The following MAS1 variants were observed in gnomAD, a reference collection of about 807,000 sequenced individuals.
The protein encoded by MAS1 is MAS1 proto-oncogene, G protein-coupled receptor, also known as proto-oncogene Mas.
For synonymous variants in MAS1, 163 were observed against 164.2 expected, an observed-to-expected ratio of 0.99 and a Z score of 0.05; for missense variants, 387 against 409.7, an observed-to-expected ratio of 0.94 and a Z score of 0.48.
chr6:159,917,122 C>T lies in MAS1; in HGVS notation c.*9189C>T, dbSNP rs552012611. On this transcript the variant is annotated 3_prime_UTR_variant, in exon 3 of 3. Transcript: ENST00000674077. ...AATGGTCTCCAGTGTGGCTGCAGCA[C>T]GTCCATTTGACAATCCTGACCTCGG... is the stretch of plus-strand genomic sequence containing the variant. 3.8e-4 allele frequency among the ~76,000 whole-genome samples: 58 copies of T among 152,242 alleles called. No individual in the cohort carries two copies. The highest frequency in any genetic ancestry group is 5.3e-4 in the African/African-American group (22 of 41,544).
At chr6:159,889,165 T>C (rs551708932), upstream of MAS1, among the ~76,000 whole-genome samples, 21 of 152,344 alleles carry the variant, frequency 1.4e-4, no homozygotes, top group African/African-American at 4.3e-4. Flanking sequence ...TCCTGGCGGC[T>C]TGCTCTTCAT....
At position 159,912,387 on chromosome 6, in the gene MAS1, A is replaced by G. The variant is rs1782974690; in HGVS notation, c.*4454A>G. On this transcript the variant is annotated 3_prime_UTR_variant, in exon 3 of 3. Coordinates refer to ENST00000674077, the MANE Select transcript of MAS1 (RefSeq NM_002377.4). ...TGGAAAGGAAAACACATCAAGCCAT[A>G]CATACTTTTTCCTGTGCTTTTTCTC... is the stretch of plus-strand genomic sequence containing the variant. 6.6e-6 allele frequency: 1 copy of G among 152,230 alleles called. No individual in the cohort carries two copies. The highest frequency in any genetic ancestry group is 1.5e-5 in the Non-Finnish European group (1 of 68,046). The allele number at this position is 152,230 out of a possible 1,614,324, so 9.4% of individuals were successfully genotyped here.
upstream of MAS1, among the ~76,000 whole-genome samples, chr6:159,889,010 C>T (rs1782666229): frequency 1.3e-5 from 2 of 152,130 alleles, no homozygotes; most frequent in African/African-American, 4.8e-5. Flanking sequence ...GTTAGTGGTG[C>T]CAATTAGTCA....
chr6:159,907,308 C>G lies in MAS1; in HGVS notation c.353C>G (p.Thr118Arg). The change falls in exon 3 of 3, where the codon ACG becomes AGG. Residue 118 changes from threonine to arginine, a missense_variant. By Grantham distance (71) the Thr-to-Arg change is moderately conservative. Coordinates refer to ENST00000674077, the MANE Select transcript of MAS1 (RefSeq NM_002377.4). ...GTGACTTTTCTGTTTGGCTACAACA[C>G]GGGCCTCTATCTGCTGACGGCCATT... ...LSVTFLFGYN[T>R]GLYLLTAISV... 1 of 1,614,156 alleles carries G rather than the reference C, an allele frequency of 6.2e-7. No homozygotes were observed. The highest frequency in any genetic ancestry group is 8.5e-7 in the Non-Finnish European group (1 of 1,180,026).
chr6:159,907,514 G>A lies in MAS1; in HGVS notation c.559G>A (p.Val187Ile). Residue 187 changes from valine to isoleucine, a missense_variant, in exon 3 of 3, where the codon GTC becomes ATC. Transcript: ENST00000674077. ...TCACTCTCGGAATGACTGCCGAGCA[G>A]TCATCATCTTTATAGCCATCCTGAG... ...ESHSRNDCRA[V>I]IIFIAILSFL... The A allele has an allele frequency of 6.2e-7, 1 of 1,614,046 alleles. No individual in the cohort carries two copies. The highest frequency in any genetic ancestry group is 1.7e-5 in the Admixed American group (1 of 60,010).
In MAS1 at chr6:159,907,030, C is replaced by T. The variant is rs375747187; in HGVS notation, c.75C>T (p.Val25=). ...TCTCAACTGGCAGGAACGCCTCAGT[C>T]GGGAATGCACATCGGCAAATCCCCA... ...TNISTGRNAS[V]GNAHRQIPIV... is the part of the protein sequence containing the mutation. Residue 25 remains valine, a synonymous_variant, in exon 3 of 3, where the codon GTC becomes GTT. Transcript: ENST00000674077. 85 of 1,613,752 alleles carry T rather than the reference C, an allele frequency of 5.3e-5. No homozygotes were observed. The highest frequency in any genetic ancestry group is 6.4e-5 in the Non-Finnish European group (75 of 1,179,822).
intron 1 of MAS1, among the ~76,000 whole-genome samples, chr6:159,891,865 G>T (rs1274235339): frequency 1.3e-5 from 2 of 152,176 alleles, no homozygotes; most frequent in African/African-American, 4.8e-5. Context: ...CTGGCCTCTA[G>T]CAGAGTGCCA....
chr6:159,904,957 A>C (rs220725), intron 2 of MAS1, among the ~76,000 whole-genome samples: 1 of 152,180 alleles, frequency 6.6e-6, no homozygotes, highest in Admixed American at 6.5e-5. Flanking sequence ...TATTTCCTTC[A>C]TGTCTTTGCC....
rs1782960324 is a variant in MAS1, at chr6:159,911,228, G to A, written c.*3295G>A. ...GAACCCTTTGCTGGGCTCCAGTCCT[G>A]TGTGTCCAATCATCTAATGGACTTT... On this transcript the variant is annotated 3_prime_UTR_variant, in exon 3 of 3. Transcript: ENST00000674077. 6.6e-6 allele frequency: 1 copy of A among 151,762 alleles called. No homozygotes were observed. The allele number at this position is 151,762 out of a possible 1,614,324, so 9.4% of individuals were successfully genotyped here.
At chr6:159,894,095 G>T (rs780379915) in intron 1 of MAS1, among the ~76,000 whole-genome samples, 5 of 152,156 alleles carry the variant, frequency 3.3e-5, no homozygotes, top group Non-Finnish European at 5.9e-5. Context: ...GGGGAGATGT[G>T]TGAGCTAAAG....
chr6:159,892,195 G>C (rs1004386459), intron 1 of MAS1, among the ~76,000 whole-genome samples: 4 of 152,164 alleles, frequency 2.6e-5, no homozygotes, highest in African/African-American at 9.7e-5. Context: ...TACCAGGACA[G>C]ATGGTCCTGC....
At chr6:159,898,440 A>G (rs1289073316) in intron 1 of MAS1, among the ~76,000 whole-genome samples, 1 of 151,500 alleles carries the variant, frequency 6.6e-6, no homozygotes, top group Non-Finnish European at 1.5e-5. Flanking sequence ...TCCAACAACC[A>G]CTCACTGTCC....
rs765383320 is a variant in MAS1 at position 159,907,461 on chromosome 6, T to A, written c.506T>A (p.Val169Asp). Residue 169 changes from valine (V) to aspartate (D), a missense_variant, in exon 3 of 3, where the codon GTC becomes GAC. Coordinates refer to ENST00000674077, the MANE Select transcript of MAS1 (RefSeq NM_002377.4). Reference sequence around the variant, plus strand: ...TGCTTGGTGACCACCATGGAGTATGTCATGTGCATCGACAGAGAAGAAGAG... The same window carrying A: ...TGCTTGGTGACCACCATGGAGTATGACATGTGCATCGACAGAGAAGAAGAG... ...LSCLVTTMEYVMCIDREEESH... is the reference protein window; with the variant it reads ...LSCLVTTMEYDMCIDREEESH... 1.1e-5 allele frequency: 17 copies of A among 1,613,918 alleles called. No individual in the cohort carries two copies. Among genetic ancestry groups the A allele is most frequent in the Admixed American group, 1.7e-5 (1 of 60,004 alleles).
upstream of MAS1, among the ~76,000 whole-genome samples, chr6:159,888,849 A>G (rs1316523072): frequency 2.0e-5 from 3 of 152,210 alleles, no homozygotes; most frequent in Non-Finnish European, 2.9e-5. Flanking sequence ...GATTACTCAC[A>G]AAGACAAACC....
In MAS1 at chr6:159,915,700, A is replaced by T. The variant is rs1783014817; in HGVS notation, c.*7767A>T. 1 of 152,272 alleles carries T rather than the reference A, an allele frequency of 6.6e-6. No homozygotes were observed. The highest frequency in any genetic ancestry group is 2.4e-5 in the African/African-American group (1 of 41,458). 9.4% of individuals were successfully genotyped at this position (152,272 alleles called of 1,614,324 possible). A position where few individuals can be genotyped will look rare whatever the true frequency, so the allele number is the denominator to read the frequency against. Reference sequence around the variant, plus strand: ...TTAGTTGGAGTTCCACCCAAAGCAGATCCTGAGACAAGGATTTAGTGCAAG... The same window carrying T: ...TTAGTTGGAGTTCCACCCAAAGCAGTTCCTGAGACAAGGATTTAGTGCAAG... On this transcript the variant is annotated 3_prime_UTR_variant, in exon 3 of 3. Coordinates refer to ENST00000674077, the MANE Select transcript of MAS1 (RefSeq NM_002377.4).
chr6:159,915,786 AG>A lies in MAS1; in HGVS notation c.*7855del. ...GAAAGTGGGGAATTTAGACAGGGAAAGGAGGAAGTTAGCAAAGGGTGAGTGA... is the reference window on the plus strand; with the variant it reads ...GAAAGTGGGGAATTTAGACAGGGAAAGAGGAAGTTAGCAAAGGGTGAGTGA... On this transcript the variant is annotated 3_prime_UTR_variant, in exon 3 of 3. Transcript: ENST00000674077. The A allele has an allele frequency of 6.6e-6, 1 of 152,598 alleles. No individual in the cohort carries two copies. The highest frequency in any genetic ancestry group is 1.5e-5 in the Non-Finnish European group (1 of 68,212). 9.5% of individuals were successfully genotyped at this position (152,598 alleles called of 1,614,324 possible).
chr6:159,890,171 T>C (rs935891655), upstream of MAS1, among the ~76,000 whole-genome samples: 1 of 152,166 alleles, frequency 6.6e-6, no homozygotes, highest in Non-Finnish European at 1.5e-5. Flanking sequence ...GGGCTTCACA[T>C]TGAGTTATTT....
rs1368314457 is a variant in MAS1 at position 159,912,344 on chromosome 6, T to C, written c.*4411T>C. On this transcript the variant is annotated 3_prime_UTR_variant, in exon 3 of 3. Coordinates refer to ENST00000674077, the MANE Select transcript of MAS1 (RefSeq NM_002377.4). ...TTTGTCTTTTTACTCAACCTCTTCT[T>C]AAATTAGGAATCACTTCTGGAAAGG... 1 of 152,234 alleles carries C rather than the reference T, an allele frequency of 6.6e-6. No individual in the cohort carries two copies. Among genetic ancestry groups the C allele is most frequent in the African/African-American group, 2.4e-5 (1 of 41,462 alleles). 9.4% of individuals were successfully genotyped at this position (152,234 alleles called of 1,614,324 possible).
rs757494209 is a variant in MAS1, at chr6:159,908,633, A to C, written c.*700A>C. ...TTCTTTTTGCTTGCAGCATGAAAGC[A>C]TTTCATGGCATTACACCTCTATTGA... On this transcript the variant is annotated 3_prime_UTR_variant, in exon 3 of 3. Transcript: ENST00000674077. 2.0e-5 allele frequency: 3 copies of C among 152,066 alleles called. No individual in the cohort carries two copies. Among genetic ancestry groups the C allele is most frequent in the Non-Finnish European group, 2.9e-5 (2 of 68,016 alleles). The allele number at this position is 152,066 out of a possible 1,614,324, so 9.4% of individuals were successfully genotyped here.
Sources: gnomAD v4.1 joint callset for allele counts (sites outside exome capture counted in the v4.1 genomes callset) on GRCh38, gnomAD v4.1.1 for gene constraint, MANE v1.5 for transcripts, NCBI Gene and HGNC (gene_info 2026-07-23, HGNC 2026-07-21) for gene names.